Variants in GEMIN2 observed in about 807,000 individuals in gnomAD.
GEMIN2 encodes gem-associated protein 2.
GEMIN2 carries 37 observed loss-of-function variants against 45.8 expected under a neutral mutation model. The observed-to-expected ratio is 0.81, with a 90% CI of 0.62 to 1.06. The LOEUF (loss-of-function observed/expected upper bound fraction) is 1.06, where lower values mean the gene tolerates loss of function less well. Ranked by LOEUF, GEMIN2 falls within the 50% of genes least tolerant of loss-of-function variation. The pLI is 0.00. For missense variants in GEMIN2, 335 were observed against 321.8 expected, an observed-to-expected ratio of 1.04 and a Z score of -0.31; for synonymous variants, 101 against 111.5, an observed-to-expected ratio of 0.91 and a Z score of 0.60.
chr14:39,134,897 T>G (rs889401682), intron 9 of GEMIN2, among the ~76,000 whole-genome samples: 4 of 152,250 alleles, frequency 2.6e-5, no homozygotes, highest in Admixed American at 2.6e-4. Context: ...AGCAGTTAAA[T>G]GAGATGATAT....
At position 39,114,448 on chromosome 14, in the gene GEMIN2, C is replaced by G. The variant is rs1298202637; in HGVS notation, c.110C>G (p.Thr37Arg). 6.2e-7 allele frequency: 1 copy of G among 1,613,294 alleles called. No individual in the cohort carries two copies. The highest frequency in any genetic ancestry group is 1.3e-5 in the African/African-American group (1 of 75,026). ...EGFDPSVPPR[T>R]PQEYLRRVQI... ...TTCGATCCCTCGGTACCCCCGAGGA[C>G]GCCTCAGGAATACCTGAGGCGGGTC... Residue 37 changes from threonine to arginine, a missense_variant, in exon 1 of 10, where the codon ACG becomes AGG. Transcript: ENST00000308317.
intron 1 of GEMIN2, 27 bp from the exon 2 acceptor site, chr14:39,114,802 T>C: frequency 8.1e-7 from 1 of 1,236,556 alleles, no homozygotes; most frequent in Non-Finnish European, 1.2e-6. Flanking sequence ...AGAAATTTAA[T>C]TTATCGCGTT....
At chr14:39,136,074 CAG>C (rs1039586355) in intron 9 of GEMIN2, among the ~76,000 whole-genome samples, 1 of 152,098 alleles carries the variant, frequency 6.6e-6, no homozygotes, top group African/African-American at 2.4e-5. Context: ...GCCTGGGTGA[CAG>C]AGTGAGACCT....
At chr14:39,124,956 C>A in intron 5 of GEMIN2, 36 bp from the exon 6 acceptor site, 5 of 1,105,038 alleles carry the variant, frequency 4.5e-6, no homozygotes, top group Admixed American at 1.8e-5. Flanking sequence ...GCTTATAATA[C>A]CATTTAGTAA....
chr14:39,114,942 C>A (rs1032845273), intron 2 of GEMIN2, 29 bp downstream of exon 2: 14 of 952,296 alleles, frequency 1.5e-5, no homozygotes, highest in Middle Eastern at 2.1e-4. Flanking sequence ...CTGGAGATTA[C>A]CCCCAACCCC....
chr14:39,128,400 G>T, intron 7 of GEMIN2, 52 bp downstream of exon 7: 1 of 933,508 alleles, frequency 1.1e-6, no homozygotes. Context: ...TAGACGTTTT[G>T]GGTCAACTGT....
intron 2 of GEMIN2, among the ~76,000 whole-genome samples, chr14:39,115,571 C>T (rs2052493784): frequency 6.6e-6 from 1 of 151,038 alleles, no homozygotes; most frequent in South Asian, 2.1e-4. Flanking sequence ...ATTACCGTGC[C>T]TCAGCCTCCC....
In GEMIN2 at chr14:39,136,460, T is replaced by C. The variant is rs1018132220; in HGVS notation, c.791T>C (p.Leu264Ser). 29 of 1,583,994 alleles carry C rather than the reference T, an allele frequency of 1.8e-5. No individual in the cohort carries two copies. The highest frequency in any genetic ancestry group is 2.7e-5 in the African/African-American group (2 of 74,342). Residue 264 changes from leucine to serine, a missense_variant, in exon 10 of 10, where the codon TTA (leucine) becomes TCA (serine). Physicochemically the swap from Leu to Ser is moderately radical, Grantham distance 145. Transcript: ENST00000308317. ...LVSRYFDQRDLADEPS is the reference protein window; with the variant it reads ...LVSRYFDQRDSADEPS Reference sequence around the variant, plus strand: ...ACTAGGTATTTTGACCAACGTGATTTAGCTGATGAGCCATCTTGATGTAGC... The same window carrying C: ...ACTAGGTATTTTGACCAACGTGATTCAGCTGATGAGCCATCTTGATGTAGC...
intron 5 of GEMIN2, among the ~76,000 whole-genome samples, chr14:39,124,307 T>C (rs1016079898): frequency 6.6e-6 from 1 of 152,218 alleles, no homozygotes; most frequent in Admixed American, 6.6e-5. Flanking sequence ...CTTGAAAATA[T>C]TAGCTTTAGC....
At chr14:39,135,944 C>T (rs1418435173) in intron 9 of GEMIN2, among the ~76,000 whole-genome samples, 1 of 151,890 alleles carries the variant, frequency 6.6e-6, no homozygotes, top group Non-Finnish European at 1.5e-5. Flanking sequence ...AAGTAGGCCG[C>T]ATGTGGTGGC....
intron 8 of GEMIN2, 149 bp from the exon 9 acceptor site, chr14:39,133,512 T>C (rs2052746972): frequency 2.4e-6 from 1 of 409,844 alleles, no homozygotes; most frequent in Non-Finnish European, 4.3e-6. Flanking sequence ...TACAGTTCTC[T>C]GCTTTTTCTT....
Position 39,133,541 on chromosome 14 carries a change from C to T in GEMIN2, c.712-120C>T, listed in dbSNP as rs17108843. On this transcript the variant is annotated intron_variant, in intron 8 of 9. Transcript: ENST00000308317. Reference sequence around the variant, plus strand: ...TTTTCTTTGAGGGCTCCTATTTCCACATGATGATTACTGTCATATAATAAA... The same window carrying T: ...TTTTCTTTGAGGGCTCCTATTTCCATATGATGATTACTGTCATATAATAAA... The T allele has an allele frequency of 5.9e-3, 2,726 of 462,548 alleles. 66 individuals carry two copies. The highest frequency in any genetic ancestry group is 0.05 in the African/African-American group (2,412 of 48,542). The allele number at this position is 462,548 out of a possible 1,614,324, so 28.7% of individuals were successfully genotyped here.
At chr14:39,133,779 A>T in intron 9 of GEMIN2, 60 bp downstream of exon 9, 1 of 919,474 alleles carries the variant, frequency 1.1e-6, no homozygotes. Context: ...GTTAGATCGT[A>T]TTTATTACAT....
intron 6 of GEMIN2, among the ~76,000 whole-genome samples, 163 bp downstream of exon 6, chr14:39,125,199 A>G (rs557924710): frequency 6.6e-6 from 1 of 152,338 alleles, no homozygotes; most frequent in East Asian, 1.9e-4. Flanking sequence ...ATGGAGAGTT[A>G]TTATTGATAA....
intron 4 of GEMIN2, among the ~76,000 whole-genome samples, chr14:39,118,903 T>A (rs1199984282): frequency 6.6e-6 from 1 of 151,394 alleles, no homozygotes; most frequent in East Asian, 1.9e-4. Flanking sequence ...GCCTTCCAAG[T>A]AGCTCGAACT....
chr14:39,133,744 ATTAT>A, intron 9 of GEMIN2, 25 bp downstream of exon 9: 2 of 1,323,344 alleles, frequency 1.5e-6, no homozygotes, highest in Non-Finnish European at 2.1e-6. Context: ...TGGCTTCTTT[ATTAT>A]TTATCAGTGA....
Position 39,114,385 on chromosome 14 carries a change from G to A in GEMIN2, c.47G>A (p.Arg16Gln), listed in dbSNP as rs146438804. The change falls in exon 1 of 10, where the codon CGG becomes CAG. Residue 16 changes from arginine to glutamine, a missense_variant. Coordinates refer to ENST00000308317, the MANE Select transcript of GEMIN2 (RefSeq NM_003616.3). ...AESAVEELMPRLLPVEPCDLT... is the reference protein window; with the variant it reads ...AESAVEELMPQLLPVEPCDLT... Reference sequence around the variant, plus strand: ...TCCGCAGTGGAAGAGTTGATGCCTCGGCTATTGCCGGTAGAGCCTTGCGAC... The same window carrying A: ...TCCGCAGTGGAAGAGTTGATGCCTCAGCTATTGCCGGTAGAGCCTTGCGAC... 1.9e-6 allele frequency: 3 copies of A among 1,613,832 alleles called. No homozygotes were observed. Among genetic ancestry groups the A allele is most frequent in the Non-Finnish European group, 2.5e-6 (3 of 1,179,706 alleles).
Position 39,128,316 on chromosome 14 carries a change from T to C in GEMIN2, c.568T>C (p.Trp190Arg). The C allele has an allele frequency of 6.3e-7, 1 of 1,585,444 alleles. No individual in the cohort carries two copies. The highest frequency in any genetic ancestry group is 1.1e-5 in the South Asian group (1 of 89,230). ...VTSVLEYLSN[W>R]FGERDFTPEL... ...TAGTGTCTTGGAATATCTGAGTAAT[T>C]GGTTTGGAGAAAGAGACTTTACTCC... Residue 190 changes from tryptophan to arginine, a missense_variant, in exon 7 of 10, where the codon TGG becomes CGG. Physicochemically the swap from Trp to Arg is moderately radical, Grantham distance 101. Coordinates refer to ENST00000308317, the MANE Select transcript of GEMIN2 (RefSeq NM_003616.3).
At chr14:39,126,913 A>C (rs563264990) in intron 6 of GEMIN2, among the ~76,000 whole-genome samples, 1 of 151,290 alleles carries the variant, frequency 6.6e-6, no homozygotes, top group South Asian at 2.1e-4. Flanking sequence ...CTACAGGCGC[A>C]CACCATCACA....
Sources: gnomAD v4.1 joint callset for allele counts (sites outside exome capture counted in the v4.1 genomes callset) on GRCh38, gnomAD v4.1.1 for gene constraint, MANE v1.5 for transcripts, NCBI Gene and HGNC (gene_info 2026-07-23, HGNC 2026-07-21) for gene names.